TAF3: variants seen among roughly 807,000 people sequenced by gnomAD.
TAF3 encodes TATA-box binding protein associated factor 3.
Under a neutral mutation model 80.6 loss-of-function variants are expected in TAF3, and 7 were observed. That is an observed-to-expected ratio of 0.09 (90% CI 0.05 to 0.16). The LOEUF (loss-of-function observed/expected upper bound fraction) is 0.16. Ranked by LOEUF, TAF3 falls within the 10% of genes least tolerant of loss-of-function variation. The probability of loss-of-function intolerance (pLI) is 1.00; values close to 1 mark genes in which losing one functional copy is unlikely to be tolerated. For synonymous variants in TAF3, 444 were observed against 446.1 expected, an observed-to-expected ratio of 1.00 and a Z score of 0.06; for missense variants, 921 against 1,140.2, an observed-to-expected ratio of 0.81 and a Z score of 2.77.
intron 2 of TAF3, among the ~76,000 whole-genome samples, chr10:7,854,036 A>G (rs74123639): frequency 1.7e-3 from 254 of 152,334 alleles, no homozygotes; most frequent in African/African-American, 5.7e-3. Flanking sequence ...ACACACACAC[A>G]ATCATTCGCC....
chr10:7,858,827 T>TGTGC (rs575813657), intron 2 of TAF3, among the ~76,000 whole-genome samples: 26 of 149,328 alleles, frequency 1.7e-4, no homozygotes, highest in East Asian at 9.8e-4. Flanking sequence ...TGTGTGTGTG[T>TGTGC]GCGCGCGCCT....
chr10:7,818,917 C>G, intron 1 of TAF3, 42 bp downstream of exon 1: 2 of 1,364,730 alleles, frequency 1.5e-6, no homozygotes, highest in Non-Finnish European at 9.4e-7. Flanking sequence ...CCCGGCAAGT[C>G]AAGGGTGACA....
intron 2 of TAF3, among the ~76,000 whole-genome samples, chr10:7,949,018 G>A (rs1008881453): frequency 9.8e-5 from 15 of 152,372 alleles, no homozygotes; most frequent in East Asian, 1.9e-4. Context: ...AGCTGTGCCC[G>A]GCTGCTGCCG....
chr10:8,004,295 A>G lies in TAF3; in HGVS notation c.2316-4783A>G, dbSNP rs139003877. ...ACTCCTGGCCTCAAGCGATCCACCC[A>G]CCTCGGCCTCCCAAAGTGCTGGGAT... On this transcript the variant is annotated intron_variant, in intron 4 of 6. Transcript: ENST00000344293. 4.6e-3 allele frequency among the ~76,000 whole-genome samples: 702 copies of G among 151,998 alleles called. 7 individuals carry two copies. Among genetic ancestry groups the G allele is most frequent in the East Asian group, 0.028 (146 of 5,160 alleles).
rs1837144066 is a variant in TAF3 at position 7,861,267 on chromosome 10, A to G, written c.409+36707A>G. ...CGTGAGCCACCGCATCCGGCCCTGCACGGCTAATTTTTGTATTTTTAGTAG... is the reference window on the plus strand; with the variant it reads ...CGTGAGCCACCGCATCCGGCCCTGCGCGGCTAATTTTTGTATTTTTAGTAG... On this transcript the variant is annotated intron_variant, in intron 2 of 6. Transcript: ENST00000344293. Among the ~76,000 whole-genome samples the G allele has an allele frequency of 2.0e-5, 3 of 151,748 alleles. No homozygotes were observed. In the South Asian group the frequency reaches 6.3e-4, roughly 32 times the overall value.
At chr10:7,839,397 C>T (rs1836887911) in intron 2 of TAF3, among the ~76,000 whole-genome samples, 1 of 152,188 alleles carries the variant, frequency 6.6e-6, no homozygotes, top group African/African-American at 2.4e-5. Flanking sequence ...TATGGTCCTG[C>T]TACTCTATGA....
intron 4 of TAF3, among the ~76,000 whole-genome samples, chr10:8,007,827 G>A (rs1832011699): frequency 6.6e-6 from 1 of 151,420 alleles, no homozygotes; most frequent in Non-Finnish European, 1.5e-5. Flanking sequence ...CTTCTTATAG[G>A]TCCTCAATAA....
At chr10:7,977,094 G>A in intron 3 of TAF3, 147 bp from the exon 4 acceptor site, 1 of 680,318 alleles carries the variant, frequency 1.5e-6, no homozygotes, top group Non-Finnish European at 2.6e-6. Flanking sequence ...GTACAGAATG[G>A]CCCAGATTGT....
At chr10:8,002,356 C>T (rs917623405) in intron 4 of TAF3, among the ~76,000 whole-genome samples, 53 of 152,114 alleles carry the variant, frequency 3.5e-4, no homozygotes, top group African/African-American at 1.2e-3. Context: ...TGCTTTTTGG[C>T]GGGAGCTATA....
chr10:7,851,333 G>A (rs899716569), intron 2 of TAF3, among the ~76,000 whole-genome samples: 1 of 152,164 alleles, frequency 6.6e-6, no homozygotes, highest in African/African-American at 2.4e-5. Context: ...ACATGGCTGC[G>A]GTGTTTGGGC....
intron 2 of TAF3, among the ~76,000 whole-genome samples, chr10:7,900,679 A>C (rs373452004): frequency 2.0e-5 from 3 of 152,190 alleles, no homozygotes; most frequent in African/African-American, 7.2e-5. Context: ...TTTTTATAAA[A>C]ATTTTTATTT....
chr10:7,981,084 A>G (rs1200809314), intron 4 of TAF3, among the ~76,000 whole-genome samples: 1 of 152,194 alleles, frequency 6.6e-6, no homozygotes, highest in Non-Finnish European at 1.5e-5. Flanking sequence ...AATTCAGGTA[A>G]AGGAGCTTTG....
At chr10:7,879,317 A>G (rs1272219921) in intron 2 of TAF3, among the ~76,000 whole-genome samples, 1 of 152,146 alleles carries the variant, frequency 6.6e-6, no homozygotes, top group Non-Finnish European at 1.5e-5. Flanking sequence ...AGATTTTTGG[A>G]ACTGTACACT....
intron 4 of TAF3, among the ~76,000 whole-genome samples, chr10:7,985,706 A>T (rs1274508753): frequency 6.6e-6 from 1 of 151,580 alleles, no homozygotes; most frequent in Non-Finnish European, 1.5e-5. Context: ...ACTGTCCCCT[A>T]AGCCCTTTCA....
chr10:7,869,147 T>C (rs1329953492), intron 2 of TAF3, among the ~76,000 whole-genome samples: 1 of 152,182 alleles, frequency 6.6e-6, no homozygotes, highest in Non-Finnish European at 1.5e-5. Context: ...ATAGTAACTT[T>C]AGAAAAATTT....
intron 3 of TAF3, among the ~76,000 whole-genome samples, chr10:7,972,285 C>T (rs141573057): frequency 1.6e-4 from 24 of 152,180 alleles, no homozygotes; most frequent in African/African-American, 4.6e-4. Flanking sequence ...AACAAAAATC[C>T]GGGAAGAAAT....
chr10:7,992,838 T>G (rs901049386), intron 4 of TAF3, among the ~76,000 whole-genome samples: 4 of 152,244 alleles, frequency 2.6e-5, no homozygotes, highest in Admixed American at 2.6e-4. Context: ...TGGATAGATT[T>G]AACAGTTATC....
intron 4 of TAF3, among the ~76,000 whole-genome samples, chr10:7,982,141 G>GT (rs1279210548): frequency 3.9e-5 from 6 of 152,064 alleles, no homozygotes; most frequent in Non-Finnish European, 7.4e-5. Context: ...AATAGTAAAT[G>GT]TTTTTTATCT....
intron 2 of TAF3, among the ~76,000 whole-genome samples, chr10:7,920,063 T>C (rs746582629): frequency 7.9e-5 from 12 of 151,902 alleles, no homozygotes; most frequent in Non-Finnish European, 1.3e-4. Context: ...CTGGGCAACG[T>C]AGGGAGACCC....
Sources: allele counts gnomAD v4.1 joint callset (sites outside exome capture counted in the v4.1 genomes callset), GRCh38; gene constraint gnomAD v4.1.1; transcripts MANE v1.5; gene names NCBI Gene and HGNC (gene_info 2026-07-23, HGNC 2026-07-21).